Variants in CHCT1 observed in about 807,000 individuals in gnomAD.
CHCT1 encodes the protein CHD1 helical C-terminal domain containing 1, also known as CHD1 helical C-terminal domain containing protein 1.
chr17:60,425,814 C>A, the CHCT1 span: 1 of 1,551,678 alleles, frequency 6.4e-7, no homozygotes, highest in Non-Finnish European at 8.7e-7. Context: ...GAGACAAGCT[C>A]CAGCGCCAGC....
the CHCT1 span, chr17:60,426,765 A>G: frequency 4.3e-6 from 7 of 1,610,908 alleles, no homozygotes; most frequent in African/African-American, 2.7e-5. Flanking sequence ...GAAGCAAAGC[A>G]GCTTCGCCGA....
At chr17:60,423,426 C>A in the CHCT1 span, among the ~76,000 whole-genome samples, 1 of 151,980 alleles carries the variant, frequency 6.6e-6, no homozygotes, top group Non-Finnish European at 1.5e-5. Flanking sequence ...CTCCTGACTT[C>A]AGGTGATCCA....
chr17:60,429,848 G>T, the CHCT1 span, among the ~76,000 whole-genome samples: 7 of 151,058 alleles, frequency 4.6e-5, no homozygotes, highest in Non-Finnish European at 8.8e-5. Flanking sequence ...TTTTCCAGAC[G>T]GAGTCTCGCT....
At chr17:60,425,985 A>T in the CHCT1 span, 3 of 1,275,742 alleles carry the variant, frequency 2.4e-6, no homozygotes, top group Non-Finnish European at 1.1e-6. Flanking sequence ...GCATTGCCCC[A>T]CTTGTCTTAC....
At chr17:60,431,229 T>C in the CHCT1 span, 1 of 1,605,442 alleles carries the variant, frequency 6.2e-7, no homozygotes. Context: ...AGGAAGAGGA[T>C]AAAGGAAGCC....
chr17:60,422,219 G>T, the CHCT1 span: 1 of 310,160 alleles, frequency 3.2e-6, no homozygotes. Flanking sequence ...TGGCACACGT[G>T]CAGGAAAATG....
chr17:60,421,707 C>T, the CHCT1 span: 4 of 801,672 alleles, frequency 5.0e-6, no homozygotes, highest in Non-Finnish European at 6.0e-6. Context: ...CACCTCCCGG[C>T]CCTGCCCGGC....
the CHCT1 span, among the ~76,000 whole-genome samples, chr17:60,423,766 T>G: frequency 1.3e-5 from 2 of 152,256 alleles, no homozygotes; most frequent in Non-Finnish European, 2.9e-5. Context: ...GGGCCTGGCC[T>G]AATTTTCAGC....
chr17:60,422,353 T>C, the CHCT1 span: 2 of 1,042,780 alleles, frequency 1.9e-6, no homozygotes, highest in Non-Finnish European at 2.6e-6. Flanking sequence ...CCCGCACATC[T>C]TGCTCCGTTC....
chr17:60,424,363 C>G, the CHCT1 span, among the ~76,000 whole-genome samples: 1 of 152,210 alleles, frequency 6.6e-6, no homozygotes, highest in Non-Finnish European at 1.5e-5. Context: ...AAATGAATCC[C>G]TGTTCATTCC....
At chr17:60,422,730 GAGA>G in the CHCT1 span, 18 of 1,377,092 alleles carry the variant, frequency 1.3e-5, no homozygotes, top group Admixed American at 4.7e-4. Context: ...CAGGAAAGAA[GAGA>G]AGAACAATGA....
chr17:60,426,505 C>T, the CHCT1 span: 1 of 1,049,520 alleles, frequency 9.5e-7, no homozygotes, highest in Non-Finnish European at 1.3e-6. Flanking sequence ...CTGACTGCAC[C>T]TTGTCTCTGA....
At chr17:60,428,281 G>C in the CHCT1 span, among the ~76,000 whole-genome samples, 5 of 152,214 alleles carry the variant, frequency 3.3e-5, no homozygotes, top group African/African-American at 1.2e-4. Context: ...GAAGGGTTCA[G>C]CCTCCATCTG....
chr17:60,423,520 G>A, the CHCT1 span, among the ~76,000 whole-genome samples: 10 of 152,012 alleles, frequency 6.6e-5, no homozygotes, highest in African/African-American at 2.2e-4. Flanking sequence ...CTGGAGTGCA[G>A]TGGCTCAGTC....
At chr17:60,431,239 C>T in the CHCT1 span, 1 of 1,604,294 alleles carries the variant, frequency 6.2e-7, no homozygotes, top group Middle Eastern at 1.7e-4. Flanking sequence ...TAAAGGAAGC[C>T]CCAGAAACTC....
At chr17:60,426,979 G>A in the CHCT1 span, 1 of 861,312 alleles carries the variant, frequency 1.2e-6, no homozygotes, top group African/African-American at 1.8e-5. Flanking sequence ...CCCTGCCCTG[G>A]GCAGAGTGGG....
the CHCT1 span, chr17:60,422,232 T>G: frequency 3.1e-6 from 1 of 320,310 alleles, no homozygotes; most frequent in Admixed American, 4.6e-5. Flanking sequence ...GGAAAATGAG[T>G]TCAACAGCCT....
the CHCT1 span, chr17:60,422,429 G>C: frequency 6.7e-7 from 1 of 1,486,324 alleles, no homozygotes; most frequent in Non-Finnish European, 9.0e-7. Context: ...AATGGGAGCG[G>C]GGTGGGGGGC....
chr17:60,424,951 G>A, the CHCT1 span, among the ~76,000 whole-genome samples: 32,953 of 151,942 alleles, frequency 0.22, 8,880 homozygotes, highest in African/African-American at 0.64. Context: ...ATGAAGCATT[G>A]CGTTTTCTCT....
Sources: allele counts gnomAD v4.1 joint callset (sites outside exome capture counted in the v4.1 genomes callset), GRCh38; gene constraint gnomAD v4.1.1; transcripts MANE v1.5; gene names NCBI Gene and HGNC (gene_info 2026-07-23, HGNC 2026-07-21).